Variants in CAST observed in about 807,000 individuals in gnomAD.
CAST encodes calpastatin.
A neutral mutation model predicts 119.6 loss-of-function variants in CAST; 76 were observed. The observed-to-expected ratio is 0.64, with a 90% confidence interval of 0.53 to 0.77. CAST has a LOEUF of 0.77. Ranked by LOEUF, CAST falls within the 30% of genes least tolerant of loss-of-function variation. CAST has a pLI of 0.00. For synonymous variants in CAST, 319 were observed against 331.6 expected (o/e 0.96, Z 0.41); for missense variants, 953 against 946.5 (o/e 1.01, Z -0.09).
In CAST at chr5:96,754,090, G is replaced by A. The variant is rs1430827874; in HGVS notation, c.1555G>A (p.Ala519Thr). The A allele has an allele frequency of 3.7e-6, 6 of 1,613,700 alleles. No individual in the cohort carries two copies. Among genetic ancestry groups the A allele is most frequent in the East Asian group, 4.5e-5 (2 of 44,876 alleles). ...KGTVPDDAVE[A>T]LADSLGKKEA... ...CACAGTGCCAGATGATGCTGTAGAA[G>A]CCTTGGCTGATAGCCTGGGGAAAAA... Residue 519 changes from alanine to threonine, a missense_variant, in exon 21 of 32, where the codon GCC becomes ACC. Coordinates refer to ENST00000675179, the MANE Select transcript of CAST (RefSeq NM_001750.7).
the CAST span, among the ~76,000 whole-genome samples, chr5:96,475,755 G>A: frequency 6.6e-6 from 1 of 152,194 alleles, no homozygotes; most frequent in African/African-American, 2.4e-5. Context: ...TGGAATAAGA[G>A]GCTGCTACAA....
chr5:96,593,665 T>C (rs1270740037), intron 1 of CAST, among the ~76,000 whole-genome samples: 2 of 152,144 alleles, frequency 1.3e-5, no homozygotes, highest in Non-Finnish European at 2.9e-5. Context: ...GTGATGATAT[T>C]AGGAGATGTG....
At chr5:95,974,774 A>ACCCC in the CAST span, among the ~76,000 whole-genome samples, 2 of 152,166 alleles carry the variant, frequency 1.3e-5, no homozygotes, top group East Asian at 3.8e-4. Context: ...TTAAGGGTCA[A>ACCCC]TCCCTTATGG....
At chr5:96,611,312 C>T (rs904457169) in intron 1 of CAST, among the ~76,000 whole-genome samples, 4 of 152,110 alleles carry the variant, frequency 2.6e-5, no homozygotes, top group African/African-American at 9.7e-5. Flanking sequence ...CACTCATCTA[C>T]AAACAACTGA....
the CAST span, among the ~76,000 whole-genome samples, chr5:96,228,856 A>G: frequency 6.6e-6 from 1 of 152,210 alleles, no homozygotes; most frequent in African/African-American, 2.4e-5. Context: ...GTTTAGCAAA[A>G]CTAAAGAGTA....
chr5:96,262,555 T>C, the CAST span, among the ~76,000 whole-genome samples: 5 of 152,232 alleles, frequency 3.3e-5, 1 homozygote, highest in South Asian at 1.0e-3. Context: ...TTTGAGACAG[T>C]GTCTTGCTCT....
the CAST span, among the ~76,000 whole-genome samples, chr5:96,404,404 G>T: frequency 6.6e-6 from 1 of 152,314 alleles, no homozygotes; most frequent in South Asian, 2.1e-4. Flanking sequence ...CTCCCCAGGT[G>T]ATGACTATAT....
the CAST span, among the ~76,000 whole-genome samples, chr5:96,081,982 C>T: frequency 2.0e-5 from 3 of 151,638 alleles, no homozygotes; most frequent in Admixed American, 6.6e-5. Flanking sequence ...GGCGTGATCT[C>T]GGCTCACTGC....
At chr5:96,506,412 T>C in the CAST span, among the ~76,000 whole-genome samples, 3 of 152,218 alleles carry the variant, frequency 2.0e-5, no homozygotes, top group Admixed American at 6.5e-5. Context: ...TATAATCCCT[T>C]ACTATAAGAG....
At chr5:96,415,487 A>G in the CAST span, among the ~76,000 whole-genome samples, 1 of 152,202 alleles carries the variant, frequency 6.6e-6, no homozygotes, top group Non-Finnish European at 1.5e-5. Context: ...TTTCTTTATT[A>G]AAATGTCCAC....
the CAST span, among the ~76,000 whole-genome samples, chr5:96,040,437 CCTTGT>C: frequency 6.6e-6 from 1 of 152,250 alleles, no homozygotes; most frequent in East Asian, 1.9e-4. Context: ...GAGAGGGCAT[CCTTGT>C]CTTGTGCCAG....
chr5:96,104,169 G>T, the CAST span, among the ~76,000 whole-genome samples: 88 of 152,110 alleles, frequency 5.8e-4, no homozygotes, highest in Admixed American at 1.0e-3. Flanking sequence ...GAAAATTTTC[G>T]CCCATTTTGT....
At chr5:96,550,599 G>A (rs151071179) in intron 1 of CAST, among the ~76,000 whole-genome samples, 275 of 152,166 alleles carry the variant, frequency 1.8e-3, no homozygotes, top group African/African-American at 6.4e-3. Context: ...TCAGAAGGTT[G>A]GTAATAATAA....
At chr5:96,423,551 T>C in the CAST span, 2 of 1,168,792 alleles carry the variant, frequency 1.7e-6, no homozygotes, top group African/African-American at 1.5e-5. Context: ...CCCATCTTTC[T>C]TTTTCCTTGG....
chr5:96,524,300 C>T (rs137932517), upstream of CAST, among the ~76,000 whole-genome samples: 1 of 152,316 alleles, frequency 6.6e-6, no homozygotes, highest in Non-Finnish European at 1.5e-5. Context: ...GCAGATAAAA[C>T]TGGTTTCTGA....
At chr5:96,681,371 C>G (rs1234401439) in intron 2 of CAST, among the ~76,000 whole-genome samples, 3 of 152,114 alleles carry the variant, frequency 2.0e-5, no homozygotes, top group African/African-American at 7.2e-5. Context: ...TTTTGACTTA[C>G]TTTTTAGGAA....
intron 3 of CAST, among the ~76,000 whole-genome samples, chr5:96,701,109 G>T (rs756079383): frequency 2.0e-5 from 3 of 152,016 alleles, no homozygotes; most frequent in Non-Finnish European, 4.4e-5. Context: ...TGTATTTTTA[G>T]TAGAGACAGG....
chr5:96,497,934 C>T, the CAST span, among the ~76,000 whole-genome samples: 3 of 152,184 alleles, frequency 2.0e-5, no homozygotes, highest in Admixed American at 1.3e-4. Flanking sequence ...GAAGTCCTTG[C>T]CCATGCATAT....
chr5:96,580,926 G>A (rs972423559), intron 1 of CAST, among the ~76,000 whole-genome samples: 1 of 152,196 alleles, frequency 6.6e-6, no homozygotes, highest in Non-Finnish European at 1.5e-5. Flanking sequence ...GAGGTCCAAC[G>A]AAGCTCAATT....
Sources: gnomAD v4.1 joint callset for allele counts (sites outside exome capture counted in the v4.1 genomes callset) on GRCh38, gnomAD v4.1.1 for gene constraint, MANE v1.5 for transcripts, NCBI Gene and HGNC (gene_info 2026-07-23, HGNC 2026-07-21) for gene names.